The following SYT6 variants were observed in gnomAD, a reference collection of about 807,000 sequenced individuals.
SYT6 encodes synaptotagmin 6.
Under a neutral mutation model 38.4 loss-of-function variants are expected in SYT6, and 24 were observed. That is an observed-to-expected ratio of 0.62 (90% CI 0.45 to 0.88). The LOEUF (loss-of-function observed/expected upper bound fraction) is 0.88. Among genes scored for constraint, SYT6 ranks in the 40% least tolerant of loss-of-function variants. SYT6 has a pLI of 0.00. For missense variants in SYT6, 611 were observed against 621.0 expected, an observed-to-expected ratio of 0.98 and a Z score of 0.17; for synonymous variants, 265 against 241.9, an observed-to-expected ratio of 1.10 and a Z score of -0.89.
At chr1:114,136,102 C>T (rs1678468571) in intron 3 of SYT6, among the ~76,000 whole-genome samples, 2 of 152,134 alleles carry the variant, frequency 1.3e-5, no homozygotes, top group Admixed American at 1.3e-4. Flanking sequence ...AGCCATTGGG[C>T]TGGACTGGTC....
chr1:114,114,740 G>A (rs572304396), intron 3 of SYT6, among the ~76,000 whole-genome samples: 1 of 152,338 alleles, frequency 6.6e-6, no homozygotes, highest in African/African-American at 2.4e-5. Flanking sequence ...TTCTGAGGTT[G>A]CCCCAGGTCA....
At position 114,119,821 on chromosome 1, in the gene SYT6, C is replaced by T. The variant is rs369756118; in HGVS notation, c.1072-16100G>A. 4.6e-5 allele frequency among the ~76,000 whole-genome samples: 7 copies of T among 152,290 alleles called. No individual in the cohort carries two copies. The East Asian group carries it at 1.4e-3, about 29-fold the overall frequency. ...GCACGGTGGCTCACGCCTGTAATCC[C>T]AGCACTTTGGGAGGCGGAGGCAGGC... is the stretch of plus-strand genomic sequence containing the variant. On this transcript the variant is annotated intron_variant, in intron 3 of 7. Transcript: ENST00000610222.
chr1:114,109,252 T>C (rs943726938), intron 3 of SYT6, among the ~76,000 whole-genome samples: 7 of 152,234 alleles, frequency 4.6e-5, no homozygotes, highest in African/African-American at 1.7e-4. Context: ...GATGAATGCC[T>C]GTGTTTCTCA....
chr1:114,126,927 G>A (rs1009547109), intron 3 of SYT6, among the ~76,000 whole-genome samples: 2 of 152,228 alleles, frequency 1.3e-5, no homozygotes, highest in South Asian at 2.1e-4. Flanking sequence ...AACTCATCAA[G>A]AGTGAAAGTG....
At chr1:114,138,581 C>T (rs1209269158) in intron 2 of SYT6, among the ~76,000 whole-genome samples, 1 of 152,160 alleles carries the variant, frequency 6.6e-6, no homozygotes, top group Non-Finnish European at 1.5e-5. Flanking sequence ...TAGCTGAGAT[C>T]TTGGGAAAGT....
At chr1:114,096,105 G>A (rs1454047695) in intron 6 of SYT6, among the ~76,000 whole-genome samples, 2 of 152,126 alleles carry the variant, frequency 1.3e-5, no homozygotes, top group Admixed American at 6.5e-5. Context: ...GGGAGGAGGG[G>A]TGGTGGGGTG....
chr1:114,119,314 G>T (rs1355217880), intron 3 of SYT6, among the ~76,000 whole-genome samples: 1 of 152,132 alleles, frequency 6.6e-6, no homozygotes, highest in Non-Finnish European at 1.5e-5. Context: ...AGTATAAATT[G>T]AGTACCTACT....
chr1:114,096,332 C>G (rs1675640842), intron 6 of SYT6, among the ~76,000 whole-genome samples: 1 of 152,126 alleles, frequency 6.6e-6, no homozygotes, highest in South Asian at 2.1e-4. Context: ...CATTAAAGCT[C>G]CACAGCTATG....
At chr1:114,145,655 C>T (rs949463444) in intron 1 of SYT6, among the ~76,000 whole-genome samples, 9 of 152,074 alleles carry the variant, frequency 5.9e-5, no homozygotes, top group African/African-American at 2.2e-4. Context: ...CATCTCTAGC[C>T]CTTCACATCT....
intron 2 of SYT6, among the ~76,000 whole-genome samples, chr1:114,138,674 A>G (rs959466646): frequency 6.6e-6 from 1 of 152,250 alleles, no homozygotes; most frequent in Non-Finnish European, 1.5e-5. Flanking sequence ...TTGATTACAT[A>G]TGAAGTGCTT....
At chr1:114,123,854 A>C (rs918983014) in intron 3 of SYT6, among the ~76,000 whole-genome samples, 2 of 152,228 alleles carry the variant, frequency 1.3e-5, no homozygotes, top group African/African-American at 4.8e-5. Context: ...GGACACTTGC[A>C]CAGGCCCCTC....
intron 3 of SYT6, among the ~76,000 whole-genome samples, chr1:114,111,840 G>C (rs1676701781): frequency 7.1e-6 from 1 of 141,702 alleles, no homozygotes; most frequent in African/African-American, 2.6e-5. Context: ...TCTCGCCTGG[G>C]AGAGAGGAGC....
At position 114,137,834 on chromosome 1, in the gene SYT6, C is replaced by T. The variant is rs1678581065; in HGVS notation, c.732G>A (p.Glu244=). 1 of 1,613,886 alleles carries T rather than the reference C, an allele frequency of 6.2e-7. No homozygotes were observed. Among genetic ancestry groups the T allele is most frequent in the Non-Finnish European group, 8.5e-7 (1 of 1,180,030 alleles). The change falls in exon 3 of 8, where the codon GAG becomes GAA. Residue 244 remains glutamate (E), a synonymous_variant. Coordinates refer to ENST00000610222, the MANE Select transcript of SYT6 (RefSeq NM_001253772.2). The stretch of plus-strand genomic sequence containing the variant: ...CCTTCAGGATACGCACAATCAGGGT[C>T]TCGGTCTCGTAATCGTAGCGTAGGC... ...NFSLRYDYET[E]TLIVRILKAF... is the part of the protein sequence containing the mutation.
intron 3 of SYT6, 126 bp downstream of exon 3, chr1:114,137,367 CAG>C: frequency 8.8e-7 from 1 of 1,134,502 alleles, no homozygotes; most frequent in South Asian, 1.6e-5. Flanking sequence ...GGGCAGTTTC[CAG>C]AGTCCCTCTT....
chr1:114,094,645 T>A (rs1243431276), intron 6 of SYT6, among the ~76,000 whole-genome samples: 4 of 152,240 alleles, frequency 2.6e-5, no homozygotes, highest in Admixed American at 1.3e-4. Context: ...GCAAGTATAA[T>A]GCCCTCTGTT....
chr1:114,130,574 C>T (rs1192570740), intron 3 of SYT6, among the ~76,000 whole-genome samples: 3 of 152,178 alleles, frequency 2.0e-5, no homozygotes, highest in Non-Finnish European at 4.4e-5. Flanking sequence ...TCACTCTCCT[C>T]GCTTCAATAC....
intron 3 of SYT6, among the ~76,000 whole-genome samples, chr1:114,122,506 T>TGTGTGTGCGCGCGC (rs60780339): frequency 3.0e-4 from 44 of 147,408 alleles, no homozygotes; most frequent in Middle Eastern, 3.5e-3. Flanking sequence ...TGTGTGTGTG[T>TGTGTGTGCGCGCGC]GCGCGCACAT....
In SYT6 at chr1:114,136,998, G is replaced by A. The variant is rs548441997; in HGVS notation, c.1071+497C>T. On this transcript the variant is annotated intron_variant, in intron 3 of 7. Coordinates refer to ENST00000610222, the MANE Select transcript of SYT6 (RefSeq NM_001253772.2). ...TCCTGATGTTTAACTGTGGGGGCCCGTGTCTAAATGCAGCCTCTGTTGGCT... is the reference window on the plus strand; with the variant it reads ...TCCTGATGTTTAACTGTGGGGGCCCATGTCTAAATGCAGCCTCTGTTGGCT... 5.3e-5 allele frequency among the ~76,000 whole-genome samples: 8 copies of A among 152,222 alleles called. No individual in the cohort carries two copies. The South Asian group carries it at 1.2e-3, about 24-fold the overall frequency.
At chr1:114,147,397 C>G (rs950094167) in intron 1 of SYT6, among the ~76,000 whole-genome samples, 3 of 152,200 alleles carry the variant, frequency 2.0e-5, no homozygotes, top group Non-Finnish European at 4.4e-5. Flanking sequence ...AAGCCTATTG[C>G]TCAATATTCA....
Sources: gnomAD v4.1 joint callset for allele counts (sites outside exome capture counted in the v4.1 genomes callset) on GRCh38, gnomAD v4.1.1 for gene constraint, MANE v1.5 for transcripts, NCBI Gene and HGNC (gene_info 2026-07-23, HGNC 2026-07-21) for gene names.